Variants in TMEM150C observed in about 807,000 individuals in gnomAD.
TMEM150C encodes the protein tentonin 3.
Under a neutral mutation model 29.9 loss-of-function variants are expected in TMEM150C, and 10 were observed. The ratio of observed to expected loss-of-function variants is 0.33; its 90% CI spans 0.21 to 0.57. TMEM150C has a LOEUF of 0.57. TMEM150C is among the 20% of genes least tolerant of loss of function. TMEM150C has a pLI of 0.88. For synonymous variants in TMEM150C, 101 were observed against 112.5 expected (o/e 0.90, Z 0.64); for missense variants, 251 against 303.6 (o/e 0.83, Z 1.29).
chr4:82,562,098 T>C, upstream of TMEM150C: 1 of 1,222,682 alleles, frequency 8.2e-7, no homozygotes, highest in Non-Finnish European at 1.0e-6. Flanking sequence ...CTGCTAGGCC[T>C]TCGGGGAGAG....
chr4:82,536,026 T>A (rs1161952253), intron 1 of TMEM150C, among the ~76,000 whole-genome samples: 1 of 152,136 alleles, frequency 6.6e-6, no homozygotes, highest in East Asian at 1.9e-4. Flanking sequence ...AAATCACCTC[T>A]GGTTGAAAAC....
intron 1 of TMEM150C, among the ~76,000 whole-genome samples, chr4:82,512,477 A>C (rs576709677): frequency 1.3e-5 from 2 of 152,338 alleles, no homozygotes; most frequent in South Asian, 4.1e-4. Flanking sequence ...TAATTCGGTA[A>C]GCGGCTGCTC....
At chr4:82,518,394 G>A (rs939250852) in intron 1 of TMEM150C, among the ~76,000 whole-genome samples, 3 of 152,038 alleles carry the variant, frequency 2.0e-5, no homozygotes, top group Admixed American at 6.6e-5. Context: ...GCCCCTCAGC[G>A]GCTCTCCAAA....
At chr4:82,494,997 T>G in intron 6 of TMEM150C, 1 of 806,400 alleles carries the variant, frequency 1.2e-6, no homozygotes. Context: ...CTTAGTACAC[T>G]GCTTCTTCAG....
At chr4:82,506,995 TA>T (rs1242262795) in intron 1 of TMEM150C, among the ~76,000 whole-genome samples, 2 of 152,140 alleles carry the variant, frequency 1.3e-5, no homozygotes, top group Non-Finnish European at 2.9e-5. Flanking sequence ...GGTCGTTACT[TA>T]AATCTGTGAC....
chr4:82,557,816 C>T (rs1424490614), intron 1 of TMEM150C, among the ~76,000 whole-genome samples: 1 of 151,188 alleles, frequency 6.6e-6, no homozygotes, highest in African/African-American at 2.4e-5. Context: ...TCACTGCAAC[C>T]TCTGCCTCTC....
At chr4:82,535,633 G>A (rs1174250504) in intron 1 of TMEM150C, among the ~76,000 whole-genome samples, 1 of 152,138 alleles carries the variant, frequency 6.6e-6, no homozygotes, top group Non-Finnish European at 1.5e-5. Flanking sequence ...GGGCCTTCAA[G>A]TTGGAAGAAA....
At position 82,540,114 on chromosome 4, in the gene TMEM150C, C is replaced by CTTTTTTTTTTT. The variant is rs577728662; in HGVS notation, c.-11+21781_-11+21791dup. On this transcript the variant is annotated intron_variant, in intron 1 of 7. Coordinates refer to ENST00000449862, the MANE Select transcript of TMEM150C (RefSeq NM_001080506.3). ...TAGTCATTCAATGTTTCTACCTATT[C>CTTTTTTTTTTT]TTTTTTTTTTTTTTTTTTTTTTTTT... Among the ~76,000 whole-genome samples the CTTTTTTTTTTT allele has an allele frequency of 7.2e-4, 34 of 47,262 alleles. 6 individuals are homozygous for CTTTTTTTTTTT. The highest frequency in any genetic ancestry group is 1.5e-3 in the Non-Finnish European group (28 of 19,292). The allele number at this position is 47,262 out of a possible 152,430, so 31.0% of individuals were successfully genotyped here.
At chr4:82,515,754 A>G (rs1724276839) in intron 1 of TMEM150C, among the ~76,000 whole-genome samples, 1 of 151,282 alleles carries the variant, frequency 6.6e-6, no homozygotes, top group African/African-American at 2.4e-5. Context: ...AAAAAAAAAG[A>G]ATCTCTTCTA....
At chr4:82,558,393 T>G (rs115802888) in intron 1 of TMEM150C, among the ~76,000 whole-genome samples, 3,708 of 152,304 alleles carry the variant, frequency 0.024, 145 homozygotes, top group African/African-American at 0.084. Flanking sequence ...TAGAAAAGGC[T>G]GTTTATAGAT....
At chr4:82,520,016 G>A (rs1364871972) in intron 1 of TMEM150C, among the ~76,000 whole-genome samples, 2 of 152,160 alleles carry the variant, frequency 1.3e-5, no homozygotes, top group African/African-American at 2.4e-5. Context: ...ATTTGTCATT[G>A]TGAGGTGTTC....
intron 1 of TMEM150C, among the ~76,000 whole-genome samples, chr4:82,542,807 A>G (rs1397256167): frequency 1.3e-5 from 2 of 152,062 alleles, no homozygotes; most frequent in African/African-American, 2.4e-5. Flanking sequence ...CAGGTGAAAG[A>G]CACACTAGCT....
chr4:82,558,478 A>G (rs189471358), intron 1 of TMEM150C, among the ~76,000 whole-genome samples: 2 of 152,364 alleles, frequency 1.3e-5, no homozygotes, highest in Admixed American at 1.3e-4. Flanking sequence ...GGTTTGACTC[A>G]GAATAGTTTG....
rs547443862 is a variant in TMEM150C at position 82,512,508 on chromosome 4, C to A, written c.-10-7841G>T. 3.9e-5 allele frequency among the ~76,000 whole-genome samples: 6 copies of A among 152,320 alleles called. No homozygotes were observed. In the South Asian group the frequency reaches 8.3e-4, roughly 21 times the overall value. On this transcript the variant is annotated intron_variant, in intron 1 of 7. Transcript: ENST00000449862. ...TGCTCGCCTACCTTATACTTCGCAG[C>A]CTCCTTTGTAATAAGTGTGGCCCTG... is the stretch of plus-strand genomic sequence containing the variant.
At chr4:82,541,418 GA>G (rs1237439334) in intron 1 of TMEM150C, among the ~76,000 whole-genome samples, 1 of 151,892 alleles carries the variant, frequency 6.6e-6, no homozygotes, top group African/African-American at 2.4e-5. Context: ...CCATTGATGT[GA>G]AAAAACAGAA....
At chr4:82,506,129 G>GT (rs1723912511) in intron 1 of TMEM150C, among the ~76,000 whole-genome samples, 1 of 151,990 alleles carries the variant, frequency 6.6e-6, no homozygotes, top group South Asian at 2.1e-4. Flanking sequence ...TTGTTTACTG[G>GT]TTTGAACCAG....
intron 1 of TMEM150C, among the ~76,000 whole-genome samples, chr4:82,537,060 C>G (rs866136468): frequency 6.6e-6 from 1 of 152,168 alleles, no homozygotes; most frequent in Admixed American, 6.5e-5. Context: ...AGGCTCACTA[C>G]AAGCTCCACC....
chr4:82,485,648 G>C lies in TMEM150C; in HGVS notation c.613C>G (p.Leu205Val). 6.2e-7 allele frequency: 1 copy of C among 1,609,566 alleles called. No homozygotes were observed. The highest frequency in any genetic ancestry group is 1.7e-4 in the Middle Eastern group (1 of 6,038). ...ACGGCAAAGGTGCCAAAATAAGACA[G>C]GAAGCACATGACCAGGCCCCACTGG... Reference protein sequence around the residue: ...RVQWGLVMCFLSYFGTFAVEF... With the variant: ...RVQWGLVMCFVSYFGTFAVEF... Residue 205 changes from leucine to valine, a missense_variant, in exon 8 of 8, where the codon CTG becomes GTG. Coordinates refer to ENST00000449862, the MANE Select transcript of TMEM150C (RefSeq NM_001080506.3).
At chr4:82,531,710 G>A (rs1724851734) in intron 1 of TMEM150C, among the ~76,000 whole-genome samples, 1 of 132,772 alleles carries the variant, frequency 7.5e-6, no homozygotes, top group South Asian at 2.5e-4. Flanking sequence ...AGCCGAGATT[G>A]CACCATTGCA....
Sources: gnomAD v4.1 joint callset for allele counts (sites outside exome capture counted in the v4.1 genomes callset) on GRCh38, gnomAD v4.1.1 for gene constraint, MANE v1.5 for transcripts, NCBI Gene and HGNC (gene_info 2026-07-23, HGNC 2026-07-21) for gene names.